The following NAV2 variants were observed in gnomAD, a reference collection of about 807,000 sequenced individuals.
NAV2 encodes the protein neuron navigator 2.
In NAV2, 54 loss-of-function variants were observed where a neutral mutation model predicts 223.2. That is an observed-to-expected ratio of 0.24 (90% CI 0.19 to 0.30). The LOEUF is 0.30. Among genes scored for constraint, NAV2 ranks in the 10% least tolerant of loss-of-function variants. The pLI is 1.00. For missense variants in NAV2, 2,806 were observed against 3,147.5 expected (o/e 0.89, Z 2.60); for synonymous variants, 1,279 against 1,239.3 (o/e 1.03, Z -0.67).
chr11:19,359,321 C>T (rs1295285406), intron 1 of NAV2, among the ~76,000 whole-genome samples: 2 of 152,154 alleles, frequency 1.3e-5, no homozygotes, highest in Non-Finnish European at 2.9e-5. Flanking sequence ...AATCTATTAT[C>T]CCTGTCACCC....
At chr11:19,883,269 C>A (rs1591053399) in intron 5 of NAV2, among the ~76,000 whole-genome samples, 1 of 152,204 alleles carries the variant, frequency 6.6e-6, no homozygotes, top group Non-Finnish European at 1.5e-5. Context: ...CAAAGAAAAT[C>A]TGAGATTTTT....
At chr11:20,099,104 C>G (rs559441975) in intron 31 of NAV2, among the ~76,000 whole-genome samples, 7 of 152,300 alleles carry the variant, frequency 4.6e-5, no homozygotes, top group African/African-American at 1.4e-4. Context: ...AGGATTTGTC[C>G]GAGCCTGGGC....
chr11:19,806,551 A>G (rs1331490150), intron 1 of NAV2, among the ~76,000 whole-genome samples: 2 of 152,242 alleles, frequency 1.3e-5, no homozygotes, highest in African/African-American at 4.8e-5. Flanking sequence ...TGAAAGCAGA[A>G]AACCTTGGTC....
intron 1 of NAV2, among the ~76,000 whole-genome samples, chr11:19,494,989 G>A (rs1376734129): frequency 6.6e-6 from 1 of 152,164 alleles, no homozygotes; most frequent in Non-Finnish European, 1.5e-5. Flanking sequence ...GAATCCTGGT[G>A]GGCACAGGTC....
chr11:19,689,517 T>C (rs2049109611), intron 1 of NAV2, among the ~76,000 whole-genome samples: 1 of 152,220 alleles, frequency 6.6e-6, no homozygotes, highest in African/African-American at 2.4e-5. Flanking sequence ...AGGAGGACGG[T>C]CCTCCCCAGG....
chr11:20,114,541 C>T (rs368911001), intron 36 of NAV2, 51 bp from the exon 37 acceptor site: 132 of 1,568,436 alleles, frequency 8.4e-5, no homozygotes, highest in African/African-American at 1.6e-4. Context: ...ACTGGGGCTA[C>T]GAGAGAGATC....
At chr11:19,722,734 C>G (rs561690953) in intron 1 of NAV2, among the ~76,000 whole-genome samples, 1 of 152,122 alleles carries the variant, frequency 6.6e-6, no homozygotes, top group Non-Finnish European at 1.5e-5. Flanking sequence ...ATATTGAACT[C>G]GAGCTGTGGA....
intron 10 of NAV2, among the ~76,000 whole-genome samples, chr11:19,953,174 A>G (rs1341186301): frequency 6.6e-6 from 1 of 152,178 alleles, no homozygotes; most frequent in African/African-American, 2.4e-5. Flanking sequence ...GAGTTGTGTA[A>G]TGTTCCAAAG....
At chr11:20,092,841 G>T (rs1299013987) in intron 28 of NAV2, among the ~76,000 whole-genome samples, 1 of 152,172 alleles carries the variant, frequency 6.6e-6, no homozygotes, top group Non-Finnish European at 1.5e-5. Flanking sequence ...TGCTGCTGCT[G>T]TTGTTGTTTT....
At chr11:19,714,402 G>T (rs984170964) in intron 1 of NAV2, 3 of 462,098 alleles carry the variant, frequency 6.5e-6, no homozygotes, top group African/African-American at 4.0e-5. Context: ...TGGGTTCGAC[G>T]CCCCCTAGCC....
At chr11:19,749,986 A>G (rs2053669281) in intron 1 of NAV2, among the ~76,000 whole-genome samples, 1 of 152,234 alleles carries the variant, frequency 6.6e-6, no homozygotes, top group South Asian at 2.1e-4. Flanking sequence ...CTTGAAAATT[A>G]TACTCTGATG....
chr11:20,000,286 G>A (rs1340959777), intron 11 of NAV2, among the ~76,000 whole-genome samples: 1 of 152,226 alleles, frequency 6.6e-6, no homozygotes, highest in Non-Finnish European at 1.5e-5. Flanking sequence ...TCTTGAAACA[G>A]AACATGAAAG....
chr11:19,513,759 A>T (rs949618251), intron 1 of NAV2, among the ~76,000 whole-genome samples: 2 of 152,222 alleles, frequency 1.3e-5, no homozygotes, highest in African/African-American at 4.8e-5. Flanking sequence ...AGGTTATTGG[A>T]GTGGCGTGAG....
chr11:19,733,862 G>C (rs953307412), intron 1 of NAV2, among the ~76,000 whole-genome samples: 1 of 152,154 alleles, frequency 6.6e-6, no homozygotes, highest in Admixed American at 6.5e-5. Context: ...TGGTAGTTGT[G>C]ATAGTGATAG....
At chr11:19,478,700 A>T (rs1412348991) in intron 1 of NAV2, among the ~76,000 whole-genome samples, 1 of 152,130 alleles carries the variant, frequency 6.6e-6, no homozygotes. Context: ...TGCTATGCTA[A>T]CCCCTATGCT....
chr11:19,701,900 G>A (rs539652972), intron 1 of NAV2, among the ~76,000 whole-genome samples: 53 of 152,230 alleles, frequency 3.5e-4, no homozygotes, highest in African/African-American at 1.0e-3. Context: ...AATGCTCTCA[G>A]GGCCCAAAAG....
intron 4 of NAV2, among the ~76,000 whole-genome samples, chr11:19,873,440 A>G (rs1048244596): frequency 6.6e-6 from 1 of 152,190 alleles, no homozygotes; most frequent in Non-Finnish European, 1.5e-5. Flanking sequence ...ACAGAAGATC[A>G]GGCATAGGTA....
intron 6 of NAV2, among the ~76,000 whole-genome samples, chr11:19,922,004 A>G (rs917762803): frequency 1.3e-5 from 2 of 152,242 alleles, no homozygotes; most frequent in African/African-American, 4.8e-5. Context: ...AGATGTAAAG[A>G]GAGCTGCTCT....
chr11:19,803,403 AGAAAGCATTTGGCAGCAT>A (rs1417019344), intron 1 of NAV2, among the ~76,000 whole-genome samples: 3 of 152,232 alleles, frequency 2.0e-5, no homozygotes, highest in African/African-American at 7.2e-5. Flanking sequence ...TTGGGGGCCA[AGAAAGCATTTGGCAGCAT>A]GAAATGCTAC....
Sources: gnomAD v4.1 joint callset for allele counts (sites outside exome capture counted in the v4.1 genomes callset) on GRCh38, gnomAD v4.1.1 for gene constraint, MANE v1.5 for transcripts, NCBI Gene and HGNC (gene_info 2026-07-23, HGNC 2026-07-21) for gene names.